The following UNC5D variants were observed in gnomAD, a reference collection of about 807,000 sequenced individuals.
UNC5D encodes the protein unc-5 netrin receptor D, also known as netrin receptor UNC5D.
UNC5D carries 39 observed loss-of-function variants against 105.4 expected under a neutral mutation model. The ratio of observed to expected loss-of-function variants is 0.37; its 90% CI spans 0.29 to 0.48. The LOEUF is 0.48. Ranked by LOEUF, UNC5D falls within the 20% of genes least tolerant of loss-of-function variation. The pLI is 0.98. For synonymous variants in UNC5D, 452 were observed against 450.4 expected (o/e 1.00, Z -0.04); for missense variants, 991 against 1,202.4 (o/e 0.82, Z 2.60).
intron 3 of UNC5D, among the ~76,000 whole-genome samples, chr8:35,574,780 C>T (rs1216804459): frequency 6.6e-6 from 1 of 152,170 alleles, no homozygotes; most frequent in Non-Finnish European, 1.5e-5. Flanking sequence ...AATGATATCC[C>T]TGCAAGTGTT....
At chr8:35,503,114 C>T (rs1185348739) in intron 1 of UNC5D, among the ~76,000 whole-genome samples, 1 of 152,094 alleles carries the variant, frequency 6.6e-6, no homozygotes, top group Non-Finnish European at 1.5e-5. Context: ...TGTAGCCTTG[C>T]CTAAATTCTC....
chr8:35,334,967 TGACA>T (rs957196058), intron 1 of UNC5D, among the ~76,000 whole-genome samples: 11 of 152,220 alleles, frequency 7.2e-5, no homozygotes, highest in African/African-American at 2.4e-4. Context: ...TACTTCTTCC[TGACA>T]ATCGTTGATC....
intron 1 of UNC5D, among the ~76,000 whole-genome samples, chr8:35,288,630 A>T (rs1233159179): frequency 2.6e-5 from 4 of 152,236 alleles, no homozygotes; most frequent in Non-Finnish European, 5.9e-5. Flanking sequence ...AACACACAAA[A>T]AAATTGAAAA....
intron 8 of UNC5D, among the ~76,000 whole-genome samples, chr8:35,715,319 T>G (rs962645327): frequency 2.0e-5 from 3 of 152,180 alleles, no homozygotes; most frequent in Non-Finnish European, 4.4e-5. Flanking sequence ...TTACATATTT[T>G]TTTTTCTGAA....
intron 4 of UNC5D, among the ~76,000 whole-genome samples, chr8:35,647,813 C>G (rs796134998): frequency 6.6e-5 from 10 of 152,180 alleles, no homozygotes; most frequent in African/African-American, 2.4e-4. Flanking sequence ...AATCTAGATG[C>G]AAGAAATTTG....
intron 2 of UNC5D, among the ~76,000 whole-genome samples, chr8:35,560,065 A>G (rs1816850625): frequency 6.6e-6 from 1 of 152,246 alleles, no homozygotes; most frequent in Admixed American, 6.5e-5. Context: ...TATCAGTACC[A>G]TAGTCATATT....
At chr8:35,326,683 G>GT (rs1198767285) in intron 1 of UNC5D, among the ~76,000 whole-genome samples, 2 of 152,092 alleles carry the variant, frequency 1.3e-5, no homozygotes, top group Admixed American at 1.3e-4. Context: ...CATGAGCCTA[G>GT]GAGTCAGGGG....
At chr8:35,339,533 A>T (rs1356798017) in intron 1 of UNC5D, among the ~76,000 whole-genome samples, 1 of 152,234 alleles carries the variant, frequency 6.6e-6, no homozygotes, top group Admixed American at 6.5e-5. Context: ...GTGCAAGGGA[A>T]TTTCAGGAAT....
intron 1 of UNC5D, among the ~76,000 whole-genome samples, chr8:35,298,588 T>TTG (rs1353362059): frequency 7.0e-6 from 1 of 142,820 alleles, no homozygotes; most frequent in Admixed American, 7.0e-5. Context: ...TGTTGTAGGT[T>TTG]TTTTTTTTTT....
intron 1 of UNC5D, among the ~76,000 whole-genome samples, chr8:35,522,727 A>C (rs917663976): frequency 6.6e-6 from 1 of 152,226 alleles, no homozygotes. Flanking sequence ...TGTTTATAAA[A>C]TGTGAAACTG....
chr8:35,416,548 C>T (rs1388466662), intron 1 of UNC5D, among the ~76,000 whole-genome samples: 2 of 151,952 alleles, frequency 1.3e-5, no homozygotes, highest in Non-Finnish European at 2.9e-5. Flanking sequence ...TGAGAATGGC[C>T]CTAAAAATAT....
intron 9 of UNC5D, 50 bp from the exon 10 acceptor site, chr8:35,726,102 A>G (rs1828848380): frequency 6.4e-7 from 1 of 1,564,248 alleles, no homozygotes; most frequent in African/African-American, 1.4e-5. Flanking sequence ...TACAGGAGTA[A>G]CTGAGATGCC....
intron 1 of UNC5D, among the ~76,000 whole-genome samples, chr8:35,289,702 A>T (rs75380151): frequency 0.027 from 4,173 of 152,348 alleles, 75 homozygotes; most frequent in Non-Finnish European, 0.041. Context: ...CAATAGCAAG[A>T]AAACAACTCA....
At chr8:35,482,961 C>A (rs75794331) in intron 1 of UNC5D, among the ~76,000 whole-genome samples, 4 of 151,858 alleles carry the variant, frequency 2.6e-5, no homozygotes, top group Admixed American at 1.3e-4. Context: ...TGCCACCACG[C>A]CCGGCTAATT....
At chr8:35,257,202 C>G (rs2128817863) in intron 1 of UNC5D, among the ~76,000 whole-genome samples, 1 of 152,112 alleles carries the variant, frequency 6.6e-6, no homozygotes, top group South Asian at 2.1e-4. Flanking sequence ...ATCTCCTGAC[C>G]TCGTGATCCA....
chr8:35,481,841 G>A (rs1358521651), intron 1 of UNC5D, among the ~76,000 whole-genome samples: 1 of 152,054 alleles, frequency 6.6e-6, no homozygotes, highest in Admixed American at 6.6e-5. Flanking sequence ...AGTTTTCACT[G>A]GGTGGGTTTT....
intron 1 of UNC5D, among the ~76,000 whole-genome samples, chr8:35,417,569 C>T (rs1294953091): frequency 6.6e-6 from 1 of 151,908 alleles, no homozygotes; most frequent in Non-Finnish European, 1.5e-5. Flanking sequence ...ATGAATCAGC[C>T]AGTACAGCAC....
chr8:35,292,707 TTTTTTTTCC>T (rs1161542265), intron 1 of UNC5D, among the ~76,000 whole-genome samples: 1 of 142,802 alleles, frequency 7.0e-6, no homozygotes, highest in Non-Finnish European at 1.5e-5. Context: ...TAGTCCCTCC[TTTTTTTTCC>T]TTTTTTTTTT....
At chr8:35,572,161 G>A (rs1817770707) in intron 3 of UNC5D, among the ~76,000 whole-genome samples, 1 of 151,586 alleles carries the variant, frequency 6.6e-6, no homozygotes, top group African/African-American at 2.4e-5. Context: ...AGTGGCATGT[G>A]CCTGTGGTCC....
Sources: allele counts gnomAD v4.1 joint callset (sites outside exome capture counted in the v4.1 genomes callset), GRCh38; gene constraint gnomAD v4.1.1; transcripts MANE v1.5; gene names NCBI Gene and HGNC (gene_info 2026-07-23, HGNC 2026-07-21).